CCDC126: variants seen among roughly 807,000 people sequenced by gnomAD.
CCDC126 encodes the protein coiled-coil domain-containing protein 126.
CCDC126 carries 5 observed loss-of-function variants against 11.7 expected under a neutral mutation model. That is an observed-to-expected ratio of 0.43 (90% CI 0.22 to 0.90). The LOEUF (loss-of-function observed/expected upper bound fraction) is 0.90. Ranked by LOEUF, CCDC126 falls within the 40% of genes least tolerant of loss-of-function variation. The probability of loss-of-function intolerance (pLI) is 0.27; values close to 1 mark genes in which losing one functional copy is unlikely to be tolerated. For synonymous variants in CCDC126, 60 were observed against 61.9 expected (o/e 0.97, Z 0.14); for missense variants, 150 against 163.1 (o/e 0.92, Z 0.44).
In CCDC126 at chr7:23,643,193, T is replaced by C; in HGVS notation, c.*78T>C. On this transcript the variant is annotated 3_prime_UTR_variant, in exon 4 of 4. Coordinates refer to ENST00000307471, the MANE Select transcript of CCDC126 (RefSeq NM_138771.4). ...CAGAAAAGCTTTATAATTGCTGGCT[T>C]AGGACAGAGCAATACTTTACAATAA... 1 of 1,274,042 alleles carries C rather than the reference T, an allele frequency of 7.8e-7. No individual in the cohort carries two copies. The highest frequency in any genetic ancestry group is 1.1e-6 in the Non-Finnish European group (1 of 911,744). The allele number at this position is 1,274,042 out of a possible 1,614,324, so 78.9% of individuals were successfully genotyped here. A position where few individuals can be genotyped will look rare whatever the true frequency, so the allele number is the denominator to read the frequency against.
chr7:23,637,518 G>A (rs867534269), intron 3 of CCDC126, among the ~76,000 whole-genome samples: 111 of 62,132 alleles, frequency 1.8e-3, no homozygotes, highest in African/African-American at 6.9e-3. Context: ...CGCCCCGTCC[G>A]GGAGGGAGGT....
chr7:23,636,589 C>T (rs1432867863), intron 3 of CCDC126, among the ~76,000 whole-genome samples: 3 of 129,456 alleles, frequency 2.3e-5, no homozygotes, highest in African/African-American at 9.1e-5. Flanking sequence ...TCTGCCCGGC[C>T]GCCCCGTCTG....
chr7:23,619,250 G>C (rs1258354862), intron 3 of CCDC126: 1 of 197,268 alleles, frequency 5.1e-6, no homozygotes, highest in African/African-American at 2.4e-5. Flanking sequence ...GTGATGGGTT[G>C]ACAGGTGCAG....
chr7:23,642,575 CA>C (rs1288493444), intron 3 of CCDC126, among the ~76,000 whole-genome samples: 6 of 151,922 alleles, frequency 3.9e-5, no homozygotes, highest in Admixed American at 3.9e-4. Context: ...GCAGCCCGGC[CA>C]ACGTGGTAAA....
At chr7:23,598,707 C>A (rs976048302) in intron 2 of CCDC126, among the ~76,000 whole-genome samples, 4 of 152,230 alleles carry the variant, frequency 2.6e-5, no homozygotes, top group African/African-American at 9.6e-5. Flanking sequence ...AATAATTTCT[C>A]ACTCTAAAAT....
intron 3 of CCDC126, among the ~76,000 whole-genome samples, chr7:23,629,125 ATGACAG>A (rs1783062325): frequency 6.6e-6 from 1 of 152,220 alleles, no homozygotes; most frequent in Non-Finnish European, 1.5e-5. Context: ...TGAATGAAAA[ATGACAG>A]TGACTGCTAT....
intron 3 of CCDC126, among the ~76,000 whole-genome samples, chr7:23,625,601 T>A (rs1301021980): frequency 5.3e-5 from 8 of 151,830 alleles, no homozygotes; most frequent in African/African-American, 1.9e-4. Context: ...ATTATTTGAG[T>A]CACGACAATT....
rs184562874 is a variant in CCDC126, at chr7:23,644,449, G to A, written c.*1334G>A. On this transcript the variant is annotated 3_prime_UTR_variant, in exon 4 of 4. Transcript: ENST00000307471. ...ATAGAATTTAGATATTGTATTGTTC[G>A]TCATTATAATATGCTACCACATGTA... 26 of 152,406 alleles carry A rather than the reference G, an allele frequency of 1.7e-4. No homozygotes were observed. The highest frequency in any genetic ancestry group is 3.4e-3 in the Middle Eastern group (1 of 294). 9.4% of individuals were successfully genotyped at this position (152,406 alleles called of 1,614,324 possible). A position where few individuals can be genotyped will look rare whatever the true frequency, so the allele number is the denominator to read the frequency against.
At chr7:23,598,624 C>G (rs1782474291) in intron 2 of CCDC126, 1 of 152,222 alleles carries the variant, frequency 6.6e-6, no homozygotes, top group South Asian at 2.1e-4. Context: ...ATTTTACAGT[C>G]CTGCCTCTGG....
At chr7:23,638,177 G>A (rs1477705525) in intron 3 of CCDC126, among the ~76,000 whole-genome samples, 1 of 151,648 alleles carries the variant, frequency 6.6e-6, no homozygotes, top group African/African-American at 2.4e-5. Context: ...GGGAAGTGAG[G>A]AGCCCCTCTG....
Position 23,628,720 on chromosome 7 carries a change from T to C in CCDC126, c.239-14211T>C, listed in dbSNP as rs371433274. On this transcript the variant is annotated intron_variant, in intron 3 of 3. Coordinates refer to ENST00000307471, the MANE Select transcript of CCDC126 (RefSeq NM_138771.4). ...GAGACCACATGGAGAATCAGGACTTTACCTCCACATGGCAGTAACGAACTG... is the reference window on the plus strand; with the variant it reads ...GAGACCACATGGAGAATCAGGACTTCACCTCCACATGGCAGTAACGAACTG... Among the ~76,000 whole-genome samples, 261 of 151,172 alleles carry C rather than the reference T, an allele frequency of 1.7e-3. 1 individual carries two copies. Among genetic ancestry groups the C allele is most frequent in the African/African-American group, 6.1e-3 (248 of 40,574 alleles).
intron 3 of CCDC126, among the ~76,000 whole-genome samples, chr7:23,636,017 C>G (rs1357796070): frequency 6.6e-6 from 1 of 152,070 alleles, no homozygotes; most frequent in Non-Finnish European, 1.5e-5. Flanking sequence ...CGAGTGCCGC[C>G]ACGCCTGACT....
intron 3 of CCDC126, among the ~76,000 whole-genome samples, chr7:23,635,190 T>G: frequency 6.6e-6 from 1 of 152,334 alleles, no homozygotes; most frequent in Non-Finnish European, 1.5e-5. Flanking sequence ...TGATGCCACC[T>G]ACCAAACATG....
chr7:23,600,804 A>G lies in CCDC126; in HGVS notation c.-146+2753A>G, dbSNP rs552085594. 3.3e-5 allele frequency among the ~76,000 whole-genome samples: 5 copies of G among 152,320 alleles called. No homozygotes were observed. In the South Asian group the frequency reaches 1.0e-3, roughly 32 times the overall value. On this transcript the variant is annotated intron_variant, in intron 2 of 3. Coordinates refer to ENST00000307471, the MANE Select transcript of CCDC126 (RefSeq NM_138771.4). The stretch of plus-strand genomic sequence containing the variant: ...TTGTGTTTTTAATATTGCTGTTGCT[A>G]TGTTTGCATAAAATACAAGGAAGTA...
chr7:23,599,467 A>G (rs1297044812), intron 2 of CCDC126, among the ~76,000 whole-genome samples: 6 of 151,556 alleles, frequency 4.0e-5, no homozygotes, highest in Non-Finnish European at 8.8e-5. Flanking sequence ...CTAGTGCTGC[A>G]TAGTGTGTGT....
At chr7:23,601,458 T>C (rs981352682) in intron 2 of CCDC126, among the ~76,000 whole-genome samples, 3 of 152,292 alleles carry the variant, frequency 2.0e-5, no homozygotes, top group Non-Finnish European at 4.4e-5. Flanking sequence ...CAAAACAAAA[T>C]TGGTAGTGTG....
intron 2 of CCDC126, among the ~76,000 whole-genome samples, chr7:23,599,173 T>G (rs547202333): frequency 6.6e-6 from 1 of 152,358 alleles, no homozygotes; most frequent in South Asian, 2.1e-4. Flanking sequence ...TTTGACATGC[T>G]TTGTTCTCTT....
intron 3 of CCDC126, among the ~76,000 whole-genome samples, chr7:23,622,134 T>G (rs1419862444): frequency 6.6e-6 from 1 of 152,210 alleles, no homozygotes; most frequent in Non-Finnish European, 1.5e-5. Context: ...TTCAGTTGAT[T>G]GGAATAGTTT....
intron 2 of CCDC126, among the ~76,000 whole-genome samples, chr7:23,607,263 G>T (rs1782639030): frequency 6.6e-6 from 1 of 152,142 alleles, no homozygotes; most frequent in African/African-American, 2.4e-5. Context: ...ACTCCAATAA[G>T]AACTATGCCA....
Sources: gnomAD v4.1 joint callset for allele counts (sites outside exome capture counted in the v4.1 genomes callset) on GRCh38, gnomAD v4.1.1 for gene constraint, MANE v1.5 for transcripts, NCBI Gene and HGNC (gene_info 2026-07-23, HGNC 2026-07-21) for gene names.